Variants in SWAP70 observed in about 807,000 individuals in gnomAD.
SWAP70 encodes switching B cell complex subunit SWAP70.
SWAP70 carries 34 observed loss-of-function variants against 80.2 expected under a neutral mutation model. The ratio of observed to expected loss-of-function variants is 0.42; its 90% CI spans 0.32 to 0.56. The LOEUF is 0.56. SWAP70 is among the 20% of genes least tolerant of loss of function. The pLI is 0.09. For synonymous variants in SWAP70, 239 were observed against 238.5 expected (o/e 1.00, Z -0.02); for missense variants, 578 against 690.7 (o/e 0.84, Z 1.83).
intron 2 of SWAP70, among the ~76,000 whole-genome samples, chr11:9,702,636 G>T (rs1850847860): frequency 6.6e-6 from 1 of 152,004 alleles, no homozygotes; most frequent in Non-Finnish European, 1.5e-5. Flanking sequence ...GTCCAGGCTG[G>T]TCTTGAACTC....
chr11:9,695,290 G>A (rs576160746), intron 2 of SWAP70, among the ~76,000 whole-genome samples: 2 of 149,838 alleles, frequency 1.3e-5, no homozygotes, highest in African/African-American at 4.9e-5. Context: ...GCGAAAATCC[G>A]TGTCAGAAAA....
At chr11:9,725,530 AATATAT>A (rs1211819180) in intron 4 of SWAP70, among the ~76,000 whole-genome samples, 2,054 of 60,352 alleles carry the variant, frequency 0.034, 53 homozygotes, top group South Asian at 0.053. Flanking sequence ...AAAAATACAA[AATATAT>A]ATATATATAT....
intron 2 of SWAP70, among the ~76,000 whole-genome samples, chr11:9,699,189 T>C (rs1274243745): frequency 8.5e-5 from 13 of 152,200 alleles, no homozygotes; most frequent in African/African-American, 3.1e-4. Context: ...TGATTACTAA[T>C]GATCTTGGGT....
At chr11:9,725,957 T>C (rs934107776) in intron 4 of SWAP70, among the ~76,000 whole-genome samples, 2 of 151,940 alleles carry the variant, frequency 1.3e-5, no homozygotes, top group Non-Finnish European at 2.9e-5. Flanking sequence ...AAAAACCACA[T>C]TGCTGAACAG....
At chr11:9,744,214 G>A (rs372295744) in intron 9 of SWAP70, among the ~76,000 whole-genome samples, 3 of 152,098 alleles carry the variant, frequency 2.0e-5, no homozygotes, top group Middle Eastern at 3.2e-3. Context: ...CACCCGCCTC[G>A]GCCTCCCAAA....
At position 9,684,216 on chromosome 11, in the gene SWAP70, G is replaced by A. The variant is rs142148984; in HGVS notation, c.100-9930G>A. ...CCCACCTCAGCCTGCTGAGCAGTTGGGATTGCAGGTGTGCGCCACCATGCC... is the reference window on the plus strand; with the variant it reads ...CCCACCTCAGCCTGCTGAGCAGTTGAGATTGCAGGTGTGCGCCACCATGCC... On this transcript the variant is annotated intron_variant, in intron 1 of 11. Transcript: ENST00000318950. Among the ~76,000 whole-genome samples, 579 of 152,056 alleles carry A rather than the reference G, an allele frequency of 3.8e-3. 1 individual carries two copies. The highest frequency in any genetic ancestry group is 0.017 in the Middle Eastern group (5 of 294).
intron 5 of SWAP70, among the ~76,000 whole-genome samples, chr11:9,728,783 A>C (rs1305577393): frequency 6.6e-6 from 1 of 152,182 alleles, no homozygotes; most frequent in African/African-American, 2.4e-5. Flanking sequence ...ATAAACTATA[A>C]TGTATTTTAG....
intron 2 of SWAP70, among the ~76,000 whole-genome samples, chr11:9,700,278 T>C (rs932280490): frequency 6.6e-6 from 1 of 152,186 alleles, no homozygotes; most frequent in South Asian, 2.1e-4. Context: ...AGTGAGCCCT[T>C]GTTTATTATT....
chr11:9,700,837 C>T (rs1850821576), intron 2 of SWAP70, among the ~76,000 whole-genome samples: 2 of 152,138 alleles, frequency 1.3e-5, no homozygotes, highest in South Asian at 4.1e-4. Context: ...CAGTTTTCAT[C>T]CAGTTTTCTT....
chr11:9,697,754 A>ATG (rs1404716683), intron 2 of SWAP70, among the ~76,000 whole-genome samples: 4 of 152,160 alleles, frequency 2.6e-5, no homozygotes, highest in Non-Finnish European at 4.4e-5. Flanking sequence ...GCCTATGTAT[A>ATG]TGTGTGTGTG....
intron 2 of SWAP70, among the ~76,000 whole-genome samples, chr11:9,701,196 A>C (rs746707774): frequency 6.6e-6 from 1 of 150,756 alleles, no homozygotes; most frequent in African/African-American, 2.4e-5. Context: ...TTTTGAGACA[A>C]GTCTTACTCT....
At chr11:9,717,502 G>A (rs1000638290) in intron 3 of SWAP70, among the ~76,000 whole-genome samples, 4 of 152,004 alleles carry the variant, frequency 2.6e-5, no homozygotes, top group Non-Finnish European at 5.9e-5. Flanking sequence ...GGGCATGGTG[G>A]TGTGCACCTG....
chr11:9,735,589 C>T (rs998578801), intron 7 of SWAP70, among the ~76,000 whole-genome samples: 3 of 152,138 alleles, frequency 2.0e-5, no homozygotes, highest in African/African-American at 4.8e-5. Flanking sequence ...ATGGACCAGC[C>T]GCCATCTTGA....
At chr11:9,693,830 C>A (rs76745340) in intron 1 of SWAP70, among the ~76,000 whole-genome samples, 11 of 152,102 alleles carry the variant, frequency 7.2e-5, no homozygotes, top group East Asian at 5.8e-4. Flanking sequence ...CTTCCCCCCC[C>A]ACCCCACTTT....
chr11:9,748,135 C>A, intron 10 of SWAP70, 79 bp downstream of exon 10: 1 of 1,410,366 alleles, frequency 7.1e-7, no homozygotes, highest in Non-Finnish European at 9.7e-7. Context: ...ATTTGCTTAG[C>A]TGCCAATATG....
chr11:9,733,923 A>C (rs1002899310), intron 7 of SWAP70, among the ~76,000 whole-genome samples: 1 of 152,202 alleles, frequency 6.6e-6, no homozygotes, highest in African/African-American at 2.4e-5. Flanking sequence ...ACCCATGAAA[A>C]TACTACCCAG....
intron 9 of SWAP70, among the ~76,000 whole-genome samples, chr11:9,742,575 T>C (rs1171862662): frequency 6.6e-6 from 1 of 152,162 alleles, no homozygotes; most frequent in African/African-American, 2.4e-5. Flanking sequence ...GACCTTGTGA[T>C]CCGCCTGTCT....
At chr11:9,734,830 G>T (rs1851343733) in intron 7 of SWAP70, among the ~76,000 whole-genome samples, 1 of 151,988 alleles carries the variant, frequency 6.6e-6, no homozygotes, top group Non-Finnish European at 1.5e-5. Flanking sequence ...TTGCCATGTT[G>T]CCCAGGCTAG....
intron 2 of SWAP70, among the ~76,000 whole-genome samples, chr11:9,707,130 C>T (rs1198024171): frequency 6.6e-6 from 1 of 151,924 alleles, no homozygotes; most frequent in African/African-American, 2.4e-5. Flanking sequence ...GCACTATTTT[C>T]TATGAAAACT....
Sources: allele counts gnomAD v4.1 joint callset (sites outside exome capture counted in the v4.1 genomes callset), GRCh38; gene constraint gnomAD v4.1.1; transcripts MANE v1.5; gene names NCBI Gene and HGNC (gene_info 2026-07-23, HGNC 2026-07-21).